Variants in DENND5A observed in about 807,000 individuals in gnomAD.
DENND5A encodes the protein DENN domain-containing protein 5A.
In DENND5A, 64 loss-of-function variants were observed where a neutral mutation model predicts 140.3. The observed-to-expected ratio is 0.46, with a 90% CI of 0.37 to 0.56. DENND5A has a LOEUF of 0.56. Among genes scored for constraint, DENND5A ranks in the 20% least tolerant of loss-of-function variants. The pLI, the probability that DENND5A is intolerant of heterozygous loss-of-function variation, is 0.00. For missense variants in DENND5A, 1,292 were observed against 1,593.8 expected, an observed-to-expected ratio of 0.81 and a Z score of 3.22; for synonymous variants, 605 against 607.7, an observed-to-expected ratio of 1.00 and a Z score of 0.07.
chr11:9,220,539 C>A, intron 1 of DENND5A, among the ~76,000 whole-genome samples: 1 of 151,618 alleles, frequency 6.6e-6, no homozygotes, highest in Non-Finnish European at 1.5e-5. Flanking sequence ...AAGAGCGAAA[C>A]TCTGTCTCAA....
At chr11:9,155,147 TAA>T (rs761802009) in intron 12 of DENND5A, among the ~76,000 whole-genome samples, 2 of 142,388 alleles carry the variant, frequency 1.4e-5, no homozygotes, top group Admixed American at 7.0e-5. Flanking sequence ...AGACTCCATT[TAA>T]AAAAAAAAAA....
intron 12 of DENND5A, among the ~76,000 whole-genome samples, chr11:9,157,055 C>T (rs1026244632): frequency 2.0e-5 from 3 of 152,024 alleles, no homozygotes; most frequent in African/African-American, 4.8e-5. Context: ...CACTAACTCC[C>T]TAGAAATTTT....
chr11:9,180,081 T>C (rs1848677501), intron 6 of DENND5A, among the ~76,000 whole-genome samples: 1 of 152,190 alleles, frequency 6.6e-6, no homozygotes, highest in Non-Finnish European at 1.5e-5. Context: ...ACTTAGGCTC[T>C]CTAAGCCTTG....
intron 15 of DENND5A, among the ~76,000 whole-genome samples, chr11:9,148,796 A>C (rs908614905): frequency 1.3e-5 from 2 of 152,216 alleles, no homozygotes; most frequent in Non-Finnish European, 1.5e-5. Flanking sequence ...AAATAAATGC[A>C]GGAGTGGAGT....
chr11:9,229,363 C>G (rs772632344), intron 1 of DENND5A, among the ~76,000 whole-genome samples: 1 of 151,806 alleles, frequency 6.6e-6, no homozygotes, highest in Admixed American at 6.6e-5. Context: ...AAAATGATAC[C>G]CCTAAGTAAG....
intron 10 of DENND5A, among the ~76,000 whole-genome samples, chr11:9,167,604 C>G (rs963420297): frequency 2.6e-5 from 4 of 151,756 alleles, no homozygotes; most frequent in Non-Finnish European, 4.4e-5. Context: ...ATGAAGAAAC[C>G]CTGTCTCTAC....
In DENND5A at chr11:9,159,490, G is replaced by A. The variant is rs534715185; in HGVS notation, c.2436+1223C>T. Among the ~76,000 whole-genome samples, 6 of 152,006 alleles carry A rather than the reference G, an allele frequency of 3.9e-5. No homozygotes were observed. In the South Asian group the frequency reaches 1.2e-3, roughly 32 times the overall value. On this transcript the variant is annotated intron_variant, in intron 12 of 22. Coordinates refer to ENST00000328194, the MANE Select transcript of DENND5A (RefSeq NM_015213.4). ...CATGCACCACCACCTGGCTAATTTT[G>A]TATTTTTGGTAGAGACGGGGTTTCA...
chr11:9,158,320 G>A (rs1214552372), intron 12 of DENND5A, among the ~76,000 whole-genome samples: 1 of 151,992 alleles, frequency 6.6e-6, no homozygotes, highest in Non-Finnish European at 1.5e-5. Flanking sequence ...TGAGGCAGGA[G>A]GATCACTTGA....
At chr11:9,262,369 A>C (rs1447508999) in intron 1 of DENND5A, among the ~76,000 whole-genome samples, 1 of 152,192 alleles carries the variant, frequency 6.6e-6, no homozygotes, top group Non-Finnish European at 1.5e-5. Flanking sequence ...ACACTCAAAA[A>C]CACGCATAAA....
chr11:9,189,417 G>A (rs1186687347), intron 5 of DENND5A, among the ~76,000 whole-genome samples: 3 of 152,154 alleles, frequency 2.0e-5, no homozygotes, highest in African/African-American at 7.2e-5. Context: ...GCCTAGTGGA[G>A]CTGTGAGAAG....
intron 1 of DENND5A, among the ~76,000 whole-genome samples, chr11:9,223,669 T>C (rs542548139): frequency 1.3e-5 from 2 of 151,508 alleles, no homozygotes; most frequent in African/African-American, 2.4e-5. Context: ...CGGTGAGCTA[T>C]GATCACACCA....
intron 16 of DENND5A, chr11:9,146,800 C>T: frequency 2.0e-6 from 1 of 491,188 alleles, no homozygotes; most frequent in South Asian, 2.7e-5. Flanking sequence ...ACACCGACAA[C>T]ACAATGGCAA....
At chr11:9,249,032 C>T (rs1846907986) in intron 1 of DENND5A, among the ~76,000 whole-genome samples, 1 of 152,036 alleles carries the variant, frequency 6.6e-6, no homozygotes, top group African/African-American at 2.4e-5. Flanking sequence ...TCGAGACCAT[C>T]CTGGCTAACG....
chr11:9,178,087 C>T (rs1315382894), intron 8 of DENND5A, 45 bp downstream of exon 8: 2 of 1,326,608 alleles, frequency 1.5e-6, no homozygotes, highest in Non-Finnish European at 2.2e-6. Flanking sequence ...CATGTTAATG[C>T]CATAATCCAA....
At chr11:9,164,076 T>G (rs1162443451) in intron 11 of DENND5A, among the ~76,000 whole-genome samples, 7 of 138,794 alleles carry the variant, frequency 5.0e-5, no homozygotes, top group African/African-American at 1.6e-4. Context: ...TTTTTTTTTT[T>G]TTTTTTTTTT....
chr11:9,201,116 T>A (rs1849506198), intron 4 of DENND5A, among the ~76,000 whole-genome samples: 1 of 152,140 alleles, frequency 6.6e-6, no homozygotes, highest in South Asian at 2.1e-4. Flanking sequence ...CTCTTCATTA[T>A]GGTATAATGC....
intron 1 of DENND5A, among the ~76,000 whole-genome samples, chr11:9,246,043 G>A (rs1309400347): frequency 6.6e-6 from 1 of 152,134 alleles, no homozygotes; most frequent in Non-Finnish European, 1.5e-5. Context: ...ATGGAGCCGG[G>A]ACCCCTTTTT....
intron 1 of DENND5A, among the ~76,000 whole-genome samples, chr11:9,262,602 T>C (rs1210012376): frequency 1.3e-5 from 2 of 152,094 alleles, no homozygotes; most frequent in Non-Finnish European, 2.9e-5. Context: ...CCAACACCAA[T>C]ACCCTGAACC....
chr11:9,220,244 T>TATGA lies in DENND5A; in HGVS notation c.110-12616_110-12613dup, dbSNP rs1427006502. 3.9e-5 allele frequency among the ~76,000 whole-genome samples: 6 copies of TATGA among 152,294 alleles called. No homozygotes were observed. The East Asian group carries it at 1.2e-3, about 29-fold the overall frequency. The stretch of plus-strand genomic sequence containing the variant: ...AAAAAATGATAGTTTGCTTGCAATG[T>TATGA]ATGATATTTAAAAATAATTCGGGCC... On this transcript the variant is annotated intron_variant, in intron 1 of 22. Transcript: ENST00000328194.
Sources: allele counts gnomAD v4.1 joint callset (sites outside exome capture counted in the v4.1 genomes callset), GRCh38; gene constraint gnomAD v4.1.1; transcripts MANE v1.5; gene names NCBI Gene and HGNC (gene_info 2026-07-23, HGNC 2026-07-21).